The following SYNE1 variants were observed in gnomAD, a reference collection of about 807,000 sequenced individuals.
The protein encoded by SYNE1 is spectrin repeat containing nuclear envelope protein 1.
In SYNE1, 616 loss-of-function variants were observed where a neutral mutation model predicts 1,111.0. The observed-to-expected ratio is 0.55, with a 90% confidence interval of 0.52 to 0.59. The LOEUF (loss-of-function observed/expected upper bound fraction) is 0.59. Ranked by LOEUF, SYNE1 falls within the 20% of genes least tolerant of loss-of-function variation. The pLI is 0.00. For synonymous variants in SYNE1, 3,855 were observed against 3,825.8 expected (o/e 1.01, Z -0.28); for missense variants, 10,006 against 10,417.0 (o/e 0.96, Z 1.72).
At position 152,498,778 on chromosome 6, in the gene SYNE1, A is replaced by G; in HGVS notation, c.903T>C (p.Gly301=). 1 of 1,550,680 alleles carries G rather than the reference A, an allele frequency of 6.4e-7. No homozygotes were observed. Among genetic ancestry groups the G allele is most frequent in the Middle Eastern group, 1.7e-4 (1 of 5,748 alleles). Residue 301 remains glycine (G), a synonymous_variant, in exon 11 of 146, where the codon GGT becomes GGC. Coordinates refer to ENST00000367255, the MANE Select transcript of SYNE1 (RefSeq NM_182961.4). ...GTACAGAATTTGCAAAAGATGGGAAACCTGGAAGTATTTCCTAACAATATG... is the reference window on the plus strand; with the variant it reads ...GTACAGAATTTGCAAAAGATGGGAAGCCTGGAAGTATTTCCTAACAATATG... ...DGQEDDEILP[G]FPSFANSVQN...
intron 3 of SYNE1, among the ~76,000 whole-genome samples, chr6:152,609,860 G>A (rs148686280): frequency 2.0e-3 from 310 of 152,334 alleles, no homozygotes; most frequent in Admixed American, 0.016. Flanking sequence ...ACAGGGTCTG[G>A]AGTGGACCTC....
At chr6:152,552,243 A>G (rs1298403496) in intron 3 of SYNE1, among the ~76,000 whole-genome samples, 1 of 152,176 alleles carries the variant, frequency 6.6e-6, no homozygotes, top group African/African-American at 2.4e-5. Flanking sequence ...CTGTTCTCAG[A>G]GAGTGCTTTC....
At chr6:152,264,633 C>A (rs2092485265) in intron 100 of SYNE1, among the ~76,000 whole-genome samples, 3 of 151,052 alleles carry the variant, frequency 2.0e-5, no homozygotes, top group Admixed American at 2.0e-4. Context: ...CCTGTCTCTA[C>A]AAAAAAAAAT....
At chr6:152,357,888 T>C (rs2096864706) in intron 66 of SYNE1, among the ~76,000 whole-genome samples, 1 of 150,636 alleles carries the variant, frequency 6.6e-6, no homozygotes, top group South Asian at 2.1e-4. Context: ...CTAACACTTA[T>C]TTTTTTTTAC....
intron 104 of SYNE1, among the ~76,000 whole-genome samples, chr6:152,252,534 T>A (rs2089636052): frequency 6.6e-6 from 1 of 152,220 alleles, no homozygotes; most frequent in African/African-American, 2.4e-5. Flanking sequence ...TTCCAAATAG[T>A]CTTTTTGGTA....
chr6:152,377,608 TAAAAAAAAAAAAAAAA>T (rs869031827), intron 56 of SYNE1, among the ~76,000 whole-genome samples: 2 of 31,366 alleles, frequency 6.4e-5, no homozygotes, highest in South Asian at 2.3e-3. Context: ...AACTCCGTCT[TAAAAAAAAAAAAAAAA>T]AAAAAAAAAA....
At chr6:152,589,316 GA>G (rs2099550829) in intron 3 of SYNE1, among the ~76,000 whole-genome samples, 1 of 152,096 alleles carries the variant, frequency 6.6e-6, no homozygotes, top group Non-Finnish European at 1.5e-5. Context: ...GATTATCTGA[GA>G]AAGGCTACTA....
At position 152,130,725 on chromosome 6, in the gene SYNE1, A is replaced by C. The variant is rs761720712; in HGVS notation, c.26148T>G (p.His8716Gln). The C allele has an allele frequency of 6.2e-7, 1 of 1,614,096 alleles. No individual in the cohort carries two copies. Among genetic ancestry groups the C allele is most frequent in the African/African-American group, 1.3e-5 (1 of 74,940 alleles). ...AAACCAGGAGAAGGAGGTACCTGCTATGTGGACTGCTGACAGAGGGTCCAG... is the reference window on the plus strand; with the variant it reads ...AAACCAGGAGAAGGAGGTACCTGCTCTGTGGACTGCTGACAGAGGGTCCAG... ...SQPGPSVSSP[H>Q]SRSTKGGSDS... The change falls in exon 145 of 146, where the codon CAT becomes CAG. Residue 8716 changes from histidine (H) to glutamine (Q), a missense_variant. Around this residue, in one of 7 missense-constraint regions of SYNE1, gnomAD observed 761 missense variants for 795.5 expected, o/e 0.96. Coordinates refer to ENST00000367255, the MANE Select transcript of SYNE1 (RefSeq NM_182961.4).
At chr6:152,497,993 A>C (rs2099009003) in intron 11 of SYNE1, among the ~76,000 whole-genome samples, 1 of 152,156 alleles carries the variant, frequency 6.6e-6, no homozygotes, top group South Asian at 2.1e-4. Flanking sequence ...AGTCACATTT[A>C]CATTTGTGTA....
chr6:152,350,196 G>A lies in SYNE1; in HGVS notation c.11873C>T (p.Thr3958Ile), dbSNP rs2096716972. 2 of 1,613,670 alleles carry A rather than the reference G, an allele frequency of 1.2e-6. No homozygotes were observed. Among genetic ancestry groups the A allele is most frequent in the Non-Finnish European group, 1.7e-6 (2 of 1,179,992 alleles). ...GTGGTGGGCCAATTGCTGGGTGATT[G>A]TCTCCAGGCTGCTTGTCTCCAGGAG... ...PDLLETSSLETITQQLAHHKA... is the reference protein window; with the variant it reads ...PDLLETSSLEIITQQLAHHKA... The change falls in exon 72 of 146, where the codon ACA becomes ATA. Residue 3958 changes from threonine (T) to isoleucine (I), a missense_variant. Thr to Ile is a moderately conservative substitution (Grantham distance 89). This residue lies in a region of SYNE1 where 4,955 missense variants were observed against 5,017.2 expected (regional missense o/e 0.99). Coordinates refer to ENST00000367255, the MANE Select transcript of SYNE1 (RefSeq NM_182961.4).
At chr6:152,334,452 T>C (rs145548404) in intron 76 of SYNE1, among the ~76,000 whole-genome samples, 179 bp from the exon 77 acceptor site, 14 of 152,348 alleles carry the variant, frequency 9.2e-5, no homozygotes, top group African/African-American at 3.1e-4. Context: ...CATACCTCTT[T>C]ATGAACGTTA....
chr6:152,483,190 A>G lies in SYNE1; in HGVS notation c.1245T>C (p.Gly415=), dbSNP rs755613929. Reference sequence around the variant, plus strand: ...CCACCTCCGCTCTGTACAGCCAGGCACCTATGGTGCCCAGAGGTGCAGGAA... The same window carrying G: ...CCACCTCCGCTCTGTACAGCCAGGCGCCTATGGTGCCCAGAGGTGCAGGAA... ...KSLPAPLGTI[G]AWLYRAEVAL... is the part of the protein sequence containing the mutation. Residue 415 remains glycine, a synonymous_variant, in exon 14 of 146, where the codon GGT becomes GGC. Transcript: ENST00000367255. 17 of 1,614,086 alleles carry G rather than the reference A, an allele frequency of 1.1e-5. No individual in the cohort carries two copies. The highest frequency in any genetic ancestry group is 1.4e-5 in the Non-Finnish European group (17 of 1,180,016).
chr6:152,433,756 C>A, intron 34 of SYNE1, 39 bp downstream of exon 34: 1 of 1,612,538 alleles, frequency 6.2e-7, no homozygotes, highest in Non-Finnish European at 8.5e-7. Context: ...TTCTTAAAAG[C>A]TAGACATGGA....
intron 3 of SYNE1, among the ~76,000 whole-genome samples, chr6:152,575,960 G>C (rs955862176): frequency 6.6e-6 from 1 of 152,212 alleles, no homozygotes; most frequent in African/African-American, 2.4e-5. Context: ...TATTAGTAAT[G>C]TTCTGGGAAA....
chr6:152,484,689 G>T (rs994645629), intron 13 of SYNE1, 146 bp downstream of exon 13: 19 of 825,066 alleles, frequency 2.3e-5, no homozygotes, highest in Admixed American at 1.3e-4. Flanking sequence ...AGACAAGGAG[G>T]CAAAGATTCT....
intron 36 of SYNE1, among the ~76,000 whole-genome samples, chr6:152,429,717 G>T (rs1308860994): frequency 6.6e-6 from 1 of 152,148 alleles, no homozygotes; most frequent in Non-Finnish European, 1.5e-5. Flanking sequence ...GATCAGTGAG[G>T]ATATATTCCT....
chr6:152,434,696 T>C (rs957533727), intron 33 of SYNE1: 1 of 152,046 alleles, frequency 6.6e-6, no homozygotes, highest in Non-Finnish European at 1.5e-5. Context: ...CAGGTGACTA[T>C]GGCTTTCAGT....
In SYNE1 at chr6:152,358,512, AG is replaced by A; in HGVS notation, c.10468del (p.Val3491SerfsTer11). On this transcript the variant is annotated frameshift_variant, in exon 66 of 146. Coordinates refer to ENST00000367255, the MANE Select transcript of SYNE1 (RefSeq NM_182961.4). LOFTEE classifies it high-confidence loss of function. ...CTGATACTCTTGGTGCAGGCGGACAAGTTTTTCAGACTTGGTTACGGCTTCC... is the reference window on the plus strand; with the variant it reads ...CTGATACTCTTGGTGCAGGCGGACAATTTTTCAGACTTGGTTACGGCTTCC... ...AKEAVTKSEK[L>X]VRLHQEYQRD... 6.2e-7 allele frequency: 1 copy of A among 1,614,194 alleles called. No individual in the cohort carries two copies. Among genetic ancestry groups the A allele is most frequent in the South Asian group, 1.1e-5 (1 of 91,088 alleles).
At chr6:152,469,948 G>A (rs1023945768) in intron 16 of SYNE1, among the ~76,000 whole-genome samples, 5 of 152,092 alleles carry the variant, frequency 3.3e-5, no homozygotes, top group African/African-American at 4.8e-5. Context: ...CATACTCCAC[G>A]GTTATCAAAA....
Sources: allele counts gnomAD v4.1 joint callset (sites outside exome capture counted in the v4.1 genomes callset), GRCh38; gene constraint gnomAD v4.1.1; regional missense constraint gnomAD v4.1.1; transcripts MANE v1.5; gene names NCBI Gene and HGNC (gene_info 2026-07-23, HGNC 2026-07-21).